Variants in SPMIP2 observed in about 807,000 individuals in gnomAD.
SPMIP2 encodes sperm microtubule inner protein 2, also known as protein SPMIP2.
chr4:158,911,387 A>AAATAAATAAAT, the SPMIP2 span, among the ~76,000 whole-genome samples: 5 of 147,224 alleles, frequency 3.4e-5, no homozygotes, highest in Non-Finnish European at 7.4e-5. Flanking sequence ...AATAAATAAA[A>AAATAAATAAAT]TAAATAAAAG....
the SPMIP2 span, among the ~76,000 whole-genome samples, chr4:158,994,072 C>T: frequency 9.9e-5 from 15 of 152,172 alleles, no homozygotes; most frequent in East Asian, 3.8e-4. Flanking sequence ...ACACTCAGCA[C>T]GATGTAGATG....
the SPMIP2 span, among the ~76,000 whole-genome samples, chr4:158,962,452 A>C: frequency 3.9e-5 from 6 of 152,330 alleles, no homozygotes; most frequent in East Asian, 1.2e-3. Flanking sequence ...ATGTAATTTG[A>C]GAATGCATAG....
chr4:158,896,150 C>T, the SPMIP2 span, among the ~76,000 whole-genome samples: 1 of 152,222 alleles, frequency 6.6e-6, no homozygotes. Context: ...TTTAATCCCA[C>T]ACTGCCCGTT....
chr4:158,954,726 T>A, the SPMIP2 span, among the ~76,000 whole-genome samples: 5 of 152,180 alleles, frequency 3.3e-5, no homozygotes, highest in African/African-American at 1.2e-4. Context: ...GAAAGTTAGC[T>A]CTCATTAGAA....
the SPMIP2 span, among the ~76,000 whole-genome samples, chr4:158,961,613 A>C: frequency 6.6e-6 from 1 of 152,120 alleles, no homozygotes; most frequent in Non-Finnish European, 1.5e-5. Flanking sequence ...TTCTGGACAA[A>C]TTTTGCAGGA....
chr4:159,017,201 A>T, the SPMIP2 span, among the ~76,000 whole-genome samples: 1 of 152,192 alleles, frequency 6.6e-6, no homozygotes, highest in African/African-American at 2.4e-5. Context: ...GTGTACAATG[A>T]TAGGTTCCTT....
At chr4:159,040,463 GC>G in the SPMIP2 span, among the ~76,000 whole-genome samples, 1 of 149,504 alleles carries the variant, frequency 6.7e-6, no homozygotes, top group Admixed American at 6.7e-5. Flanking sequence ...GAGCCACTGC[GC>G]CCGGTCTGTA....
At chr4:158,986,350 A>C in the SPMIP2 span, among the ~76,000 whole-genome samples, 53,637 of 151,854 alleles carry the variant, frequency 0.35, 9,714 homozygotes, top group South Asian at 0.44. Flanking sequence ...CAAAAGAACA[A>C]AGCTGGAGGC....
chr4:158,971,610 C>T, the SPMIP2 span, among the ~76,000 whole-genome samples: 3 of 152,148 alleles, frequency 2.0e-5, no homozygotes, highest in East Asian at 1.9e-4. Flanking sequence ...GCCAGGATCG[C>T]GCTCAGTGCA....
the SPMIP2 span, chr4:158,906,935 GA>G: frequency 6.6e-6 from 1 of 152,040 alleles, no homozygotes; most frequent in African/African-American, 2.4e-5. Flanking sequence ...CCCACCTCAA[GA>G]AAAAACATAA....
At chr4:159,005,615 A>G in the SPMIP2 span, among the ~76,000 whole-genome samples, 1 of 152,202 alleles carries the variant, frequency 6.6e-6, no homozygotes, top group Admixed American at 6.6e-5. Flanking sequence ...GAGAAGTGCT[A>G]TAAGTCAAAA....
the SPMIP2 span, among the ~76,000 whole-genome samples, chr4:158,947,787 T>A: frequency 6.6e-6 from 1 of 152,116 alleles, no homozygotes; most frequent in Admixed American, 6.5e-5. Flanking sequence ...AATATCTAAC[T>A]AATAAAATAT....
At chr4:159,077,070 A>T in the SPMIP2 span, among the ~76,000 whole-genome samples, 1 of 152,090 alleles carries the variant, frequency 6.6e-6, no homozygotes, top group Admixed American at 6.6e-5. Context: ...TCCTGACCTC[A>T]GGTGATCTGC....
At chr4:158,916,935 C>T in the SPMIP2 span, among the ~76,000 whole-genome samples, 3 of 152,122 alleles carry the variant, frequency 2.0e-5, no homozygotes, top group Non-Finnish European at 4.4e-5. Context: ...TGAGTCACCA[C>T]CCAGCCTGTC....
the SPMIP2 span, among the ~76,000 whole-genome samples, chr4:158,921,380 T>A: frequency 6.6e-6 from 1 of 152,028 alleles, no homozygotes; most frequent in Non-Finnish European, 1.5e-5. Context: ...AGGCAGAGGT[T>A]GCAGTGAGCT....
At chr4:158,913,748 G>T in the SPMIP2 span, among the ~76,000 whole-genome samples, 2 of 151,290 alleles carry the variant, frequency 1.3e-5, no homozygotes, top group Non-Finnish European at 2.9e-5. Context: ...TGGGAGGATT[G>T]TTTGAACCCA....
the SPMIP2 span, among the ~76,000 whole-genome samples, chr4:159,033,027 C>CA: frequency 6.6e-6 from 1 of 152,056 alleles, no homozygotes. Flanking sequence ...TCACAATTGC[C>CA]AAAAACTGGA....
the SPMIP2 span, among the ~76,000 whole-genome samples, chr4:158,923,011 A>G: frequency 1.3e-5 from 2 of 152,218 alleles, no homozygotes; most frequent in Non-Finnish European, 2.9e-5. Flanking sequence ...CACCATTGTC[A>G]AAAAGACTAT....
chr4:158,975,980 A>G, the SPMIP2 span, among the ~76,000 whole-genome samples: 1 of 152,138 alleles, frequency 6.6e-6, no homozygotes, highest in Non-Finnish European at 1.5e-5. Context: ...TTCCTCGAAC[A>G]GTGGTTTGTA....
Sources: allele counts gnomAD v4.1 joint callset (sites outside exome capture counted in the v4.1 genomes callset), GRCh38; gene constraint gnomAD v4.1.1; transcripts MANE v1.5; gene names NCBI Gene and HGNC (gene_info 2026-07-23, HGNC 2026-07-21).